PCDHA3: variants seen among roughly 807,000 people sequenced by gnomAD.
PCDHA3 encodes protocadherin alpha-3.
PCDHA3 carries 41 observed loss-of-function variants against 62.2 expected under a neutral mutation model. That is an observed-to-expected ratio of 0.66 (90% CI 0.51 to 0.86). PCDHA3 has a LOEUF of 0.86. Among genes scored for constraint, PCDHA3 ranks in the 40% least tolerant of loss-of-function variants. The pLI, the probability that PCDHA3 is intolerant of heterozygous loss-of-function variation, is 0.00. For missense variants in PCDHA3, 1,304 were observed against 1,241.2 expected (o/e 1.05, Z -0.76); for synonymous variants, 640 against 555.4 (o/e 1.15, Z -2.14).
At chr5:140,923,638 C>G (rs1375136191) in intron 1 of PCDHA3, among the ~76,000 whole-genome samples, 1 of 152,176 alleles carries the variant, frequency 6.6e-6, no homozygotes, top group African/African-American at 2.4e-5. Flanking sequence ...AGGCAAAAAT[C>G]TTTAGCCTCC....
At chr5:140,847,654 T>C (rs1037427370) in intron 1 of PCDHA3, 3 of 149,736 alleles carry the variant, frequency 2.0e-5, no homozygotes, top group South Asian at 2.1e-4. Flanking sequence ...AGATTATTCA[T>C]AGATTATAAA....
At chr5:140,836,587 T>G in intron 1 of PCDHA3, 1 of 1,613,734 alleles carries the variant, frequency 6.2e-7, no homozygotes, top group Non-Finnish European at 8.5e-7. Context: ...TGTAGTTTGG[T>G]AAAGCCCACT....
At chr5:140,973,088 A>G (rs2096571573) in intron 1 of PCDHA3, among the ~76,000 whole-genome samples, 4 of 152,204 alleles carry the variant, frequency 2.6e-5, no homozygotes, top group African/African-American at 7.2e-5. Flanking sequence ...CTGGCACAAC[A>G]TGTAGAAATT....
chr5:140,858,297 A>G, intron 1 of PCDHA3: 2 of 1,597,406 alleles, frequency 1.3e-6, no homozygotes, highest in Non-Finnish European at 1.7e-6. Flanking sequence ...TCTTACTCGC[A>G]GCAGAGGCGG....
intron 1 of PCDHA3, among the ~76,000 whole-genome samples, chr5:140,902,333 T>C (rs1248113110): frequency 6.6e-6 from 1 of 151,758 alleles, no homozygotes; most frequent in Non-Finnish European, 1.5e-5. Context: ...TCACTTCGCC[T>C]GGCCTAGGAA....
intron 1 of PCDHA3, chr5:140,811,094 C>T (rs914277897): frequency 1.3e-5 from 2 of 152,078 alleles, no homozygotes; most frequent in Non-Finnish European, 2.9e-5. Flanking sequence ...GTGCCATGTT[C>T]GTTTGCTGCA....
At chr5:140,955,480 C>T (rs940139413) in intron 1 of PCDHA3, among the ~76,000 whole-genome samples, 3 of 152,088 alleles carry the variant, frequency 2.0e-5, no homozygotes, top group African/African-American at 7.2e-5. Flanking sequence ...GGCACCTCTC[C>T]TTCCTGCCAC....
At chr5:140,834,300 C>T (rs111598234) in intron 1 of PCDHA3, 1 of 1,283,798 alleles carries the variant, frequency 7.8e-7, no homozygotes, top group Non-Finnish European at 1.1e-6. Context: ...GGCCACACAT[C>T]GAGATTGAAA....
Position 140,946,631 on chromosome 5 carries a change from T to TATATATATATATATATATATATACAC in PCDHA3, c.2395-32317_2395-32316insTATATATATATATATATATATACACA, listed in dbSNP as rs57893927. Among the ~76,000 whole-genome samples, 213 of 131,752 alleles carry TATATATATATATATATATATATACAC rather than the reference T, an allele frequency of 1.6e-3. 5 individuals carry two copies. The highest frequency in any genetic ancestry group is 6.6e-3 in the African/African-American group (188 of 28,632). The allele number at this position is 131,752 out of a possible 152,430, so 86.4% of individuals were successfully genotyped here. A position where few individuals can be genotyped will look rare whatever the true frequency, so the allele number is the denominator to read the frequency against. Reference sequence around the variant, plus strand: ...TGTGAAATATATATATATATATATATACAATGGAATACTCATCAGCCATTA... The same window carrying TATATATATATATATATATATATACAC: ...TGTGAAATATATATATATATATATATATATATATATATATATATATATACACACAATGGAATACTCATCAGCCATTA... On this transcript the variant is annotated intron_variant, in intron 1 of 3. Transcript: ENST00000522353.
In PCDHA3 at chr5:141,009,994, C is replaced by T; in HGVS notation, c.*57C>T. 1.3e-6 allele frequency: 2 copies of T among 1,577,076 alleles called. No individual in the cohort carries two copies. Among genetic ancestry groups the T allele is most frequent in the South Asian group, 1.2e-5 (1 of 83,074 alleles). On this transcript the variant is annotated 3_prime_UTR_variant, in exon 4 of 4. Transcript: ENST00000522353. Reference sequence around the variant, plus strand: ...GTTTTTGTAATAATGGCAAATCTCTCCCATGTAGCAATTCCCTGCTCCTTT... The same window carrying T: ...GTTTTTGTAATAATGGCAAATCTCTTCCATGTAGCAATTCCCTGCTCCTTT...
rs1191412792 is a variant in PCDHA3 at position 140,853,165 on chromosome 5, C to T, written c.2394+49574C>T. ...AAATGCTGGGATTACAGGCGTGAGCCACCGCGCCTGGCCTAAAATGTGTTC... is the reference window on the plus strand; with the variant it reads ...AAATGCTGGGATTACAGGCGTGAGCTACCGCGCCTGGCCTAAAATGTGTTC... On this transcript the variant is annotated intron_variant, in intron 1 of 3. Coordinates refer to ENST00000522353, the MANE Select transcript of PCDHA3 (RefSeq NM_018906.3). The T allele has an allele frequency of 4.2e-6, 4 of 947,174 alleles. No homozygotes were observed. In the African/African-American group the frequency reaches 7.1e-5, roughly 17 times the overall value. The allele number at this position is 947,174 out of a possible 1,614,324, so 58.7% of individuals were successfully genotyped here.
At chr5:140,808,775 C>G (rs1764260892) in intron 1 of PCDHA3, 2 of 1,612,378 alleles carry the variant, frequency 1.2e-6, no homozygotes, top group Non-Finnish European at 8.5e-7. Context: ...GGAGCTAGAG[C>G]TGCTGCAGTT....
intron 1 of PCDHA3, chr5:140,835,888 G>T (rs2150247601): frequency 6.2e-7 from 1 of 1,611,944 alleles, no homozygotes; most frequent in Non-Finnish European, 8.5e-7. Flanking sequence ...GTGGGCGAGC[G>T]CGCGCTGTCG....
intron 1 of PCDHA3, among the ~76,000 whole-genome samples, chr5:140,898,705 A>C (rs1351081569): frequency 1.3e-5 from 2 of 152,142 alleles, no homozygotes; most frequent in Admixed American, 1.3e-4. Flanking sequence ...ACTTTAAAGT[A>C]GTTTTTTCCA....
intron 1 of PCDHA3, chr5:140,808,669 G>T: frequency 1.2e-6 from 2 of 1,612,884 alleles, no homozygotes; most frequent in Non-Finnish European, 1.7e-6. Context: ...CCTACTCGCT[G>T]GTAGAGCGGC....
intron 1 of PCDHA3, among the ~76,000 whole-genome samples, chr5:140,912,652 G>C (rs555103404): frequency 1.4e-4 from 21 of 152,250 alleles, no homozygotes; most frequent in African/African-American, 5.1e-4. Context: ...TTGAATAGAA[G>C]TGGTGAAAAT....
At chr5:140,897,547 C>T (rs1276931434) in intron 1 of PCDHA3, among the ~76,000 whole-genome samples, 3 of 152,076 alleles carry the variant, frequency 2.0e-5, no homozygotes, top group Non-Finnish European at 2.9e-5. Context: ...CATAGTCTTC[C>T]ATGGTGTATA....
At chr5:140,837,346 A>G (rs1387832105) in intron 1 of PCDHA3, among the ~76,000 whole-genome samples, 2 of 152,056 alleles carry the variant, frequency 1.3e-5, no homozygotes, top group African/African-American at 2.4e-5. Context: ...AATTTAAAAT[A>G]GTTTAAATGG....
At position 141,010,147 on chromosome 5, in the gene PCDHA3, C is replaced by A; in HGVS notation, c.*210C>A. ...AAGTCTGGTGTTAACTCTTTCTCTC[C>A]ACTCTGGCTTGTTTTCAGAACCTAA... On this transcript the variant is annotated 3_prime_UTR_variant, in exon 4 of 4. Coordinates refer to ENST00000522353, the MANE Select transcript of PCDHA3 (RefSeq NM_018906.3). 1 of 1,583,190 alleles carries A rather than the reference C, an allele frequency of 6.3e-7. No individual in the cohort carries two copies. Among genetic ancestry groups the A allele is most frequent in the Non-Finnish European group, 8.6e-7 (1 of 1,163,606 alleles).
Sources: allele counts gnomAD v4.1 joint callset (sites outside exome capture counted in the v4.1 genomes callset), GRCh38; gene constraint gnomAD v4.1.1; transcripts MANE v1.5; gene names NCBI Gene and HGNC (gene_info 2026-07-23, HGNC 2026-07-21).